PLEKHG4B: variants seen among roughly 807,000 people sequenced by gnomAD.
PLEKHG4B encodes pleckstrin homology and RhoGEF domain containing G4B, also known as pleckstrin homology domain-containing family G member 4B.
In PLEKHG4B, 111 loss-of-function variants were observed where a neutral mutation model predicts 121.3. The ratio of observed to expected loss-of-function variants is 0.92; its 90% CI spans 0.78 to 1.07. The LOEUF (loss-of-function observed/expected upper bound fraction) is 1.07. Among genes scored for constraint, PLEKHG4B ranks in the 50% least tolerant of loss-of-function variants. The pLI is 0.00. For synonymous variants in PLEKHG4B, 738 were observed against 725.0 expected (o/e 1.02, Z -0.29); for missense variants, 1,831 against 1,757.8 (o/e 1.04, Z -0.74).
intron 2 of PLEKHG4B, among the ~76,000 whole-genome samples, chr5:121,703 C>A (rs913326085): frequency 6.6e-6 from 1 of 152,028 alleles, no homozygotes; most frequent in South Asian, 2.1e-4. Flanking sequence ...GGAAAAACAT[C>A]TTTTAAGTGT....
intron 6 of PLEKHG4B, among the ~76,000 whole-genome samples, chr5:149,522 C>G (rs1560930369): frequency 6.6e-6 from 1 of 151,692 alleles, no homozygotes; most frequent in Non-Finnish European, 1.5e-5. Flanking sequence ...GTATGGATGA[C>G]AGAGAGAGAC....
At position 154,298 on chromosome 5, in the gene PLEKHG4B, C is replaced by T. The variant is rs1735694756; in HGVS notation, c.1993-577C>T. 2.0e-5 allele frequency among the ~76,000 whole-genome samples: 3 copies of T among 152,212 alleles called. No homozygotes were observed. In the South Asian group the frequency reaches 6.2e-4, roughly 31 times the overall value. ...GGATTACAGGCATGAGCCACCGTGC[C>T]CAGCCCCTTCCCTTTCTTTTTCTTT... On this transcript the variant is annotated intron_variant, in intron 7 of 19. Transcript: ENST00000637938.
rs142450757 is a variant in PLEKHG4B at position 161,775 on chromosome 5, G to A, written c.2488-8G>A. The A allele has an allele frequency of 6.2e-7, 1 of 1,613,480 alleles. No individual in the cohort carries two copies. The highest frequency in any genetic ancestry group is 1.3e-5 in the African/African-American group (1 of 75,036). ...GGCTTGTACTGATGCTTTGTTCCTT[G>A]GGTACAGCAATCCTGCCAGAAAGGA... On this transcript the variant is annotated splice_polypyrimidine_tract_variant and splice_region_variant and intron_variant, in intron 11 of 19. Coordinates refer to ENST00000637938, the MANE Select transcript of PLEKHG4B (RefSeq NM_052909.5).
chr5:102,443 A>G (rs1733849141), intron 1 of PLEKHG4B, among the ~76,000 whole-genome samples: 1 of 152,206 alleles, frequency 6.6e-6, no homozygotes, highest in Non-Finnish European at 1.5e-5. Flanking sequence ...AAAAATAATA[A>G]TAAAAGCAAG....
At chr5:134,078 T>TG (rs1410872013) in intron 2 of PLEKHG4B, among the ~76,000 whole-genome samples, 1 of 6,242 alleles carries the variant, frequency 1.6e-4, no homozygotes, top group Non-Finnish European at 2.7e-4. Context: ...TATGATAGAA[T>TG]ATATATATAT....
chr5:93,047 G>A (rs1177348528), intron 1 of PLEKHG4B, among the ~76,000 whole-genome samples: 1 of 152,072 alleles, frequency 6.6e-6, no homozygotes, highest in African/African-American at 2.4e-5. Context: ...GTTGAGGTGA[G>A]GTAATTACAC....
chr5:106,795 G>A (rs781378770), intron 1 of PLEKHG4B, among the ~76,000 whole-genome samples: 3 of 152,208 alleles, frequency 2.0e-5, no homozygotes, highest in Non-Finnish European at 2.9e-5. Flanking sequence ...CTGTGTGCAC[G>A]TGTGTGCCCA....
intron 1 of PLEKHG4B, among the ~76,000 whole-genome samples, chr5:100,059 C>G (rs1220695643): frequency 6.6e-6 from 1 of 152,062 alleles, no homozygotes; most frequent in Non-Finnish European, 1.5e-5. Context: ...CGCTTGCATT[C>G]CAGGAATAAT....
In PLEKHG4B at chr5:163,569, C is replaced by T. The variant is rs1188232199; in HGVS notation, c.3476+21C>T. On this transcript the variant is annotated intron_variant, in intron 13 of 19. Coordinates refer to ENST00000637938, the MANE Select transcript of PLEKHG4B (RefSeq NM_052909.5). ...GGCAGGTGAGGTGGACGTCCCCCTC[C>T]TCTCGTCCTAGCAGTCCTTGGGGAT... 6 of 1,532,254 alleles carry T rather than the reference C, an allele frequency of 3.9e-6. No individual in the cohort carries two copies. The African/African-American group carries it at 6.9e-5, about 18-fold the overall frequency. 94.9% of individuals were successfully genotyped at this position (1,532,254 alleles called of 1,614,324 possible).
intron 1 of PLEKHG4B, among the ~76,000 whole-genome samples, chr5:108,254 T>G (rs1485436841): frequency 6.6e-6 from 1 of 152,232 alleles, no homozygotes; most frequent in Non-Finnish European, 1.5e-5. Context: ...TGGTGATTGC[T>G]GAACTCTTCA....
chr5:100,968 GCC>G (rs1560893662), intron 1 of PLEKHG4B, among the ~76,000 whole-genome samples: 19 of 102,196 alleles, frequency 1.9e-4, no homozygotes, highest in Non-Finnish European at 2.2e-4. Flanking sequence ...TCCATATAAA[GCC>G]CTGGAAAAAG....
chr5:143,769 A>G (rs1446366443), intron 5 of PLEKHG4B, among the ~76,000 whole-genome samples: 1 of 152,206 alleles, frequency 6.6e-6, no homozygotes, highest in African/African-American at 2.4e-5. Context: ...CACTCTTTGG[A>G]CCAGGATTCA....
In PLEKHG4B at chr5:163,098, T is replaced by C. The variant is rs778519981; in HGVS notation, c.3026T>C (p.Leu1009Pro). The change falls in exon 13 of 20, where the codon CTG becomes CCG. Residue 1009 changes from leucine to proline, a missense_variant. Coordinates refer to ENST00000637938, the MANE Select transcript of PLEKHG4B (RefSeq NM_052909.5). ...GGGAWEPAQP[L>P]SGLPGRALLC... ...GGTGCCTGGGAACCTGCGCAACCAC[T>C]GTCCGGCCTCCCTGGACGAGCGCTT... The C allele has an allele frequency of 3.8e-6, 6 of 1,564,120 alleles. No individual in the cohort carries two copies. The highest frequency in any genetic ancestry group is 5.2e-6 in the Non-Finnish European group (6 of 1,154,344).
rs375125025 is a variant in PLEKHG4B at position 182,028 on chromosome 5, C to T, written c.4589C>T (p.Ala1530Val). The change falls in exon 20 of 20, where the codon GCG becomes GTG. Residue 1530 changes from alanine to valine, a missense_variant. Ala to Val is a moderately conservative substitution (Grantham distance 64, BLOSUM62 0). Transcript: ENST00000637938. ...GTESQMRGST[A>V]VSSSDHAAPF... is the part of the protein sequence containing the mutation. ...GAGTCACAAATGAGAGGGTCCACAGCGGTGTCCTCCTCTGACCACGCCGCC... is the reference window on the plus strand; with the variant it reads ...GAGTCACAAATGAGAGGGTCCACAGTGGTGTCCTCCTCTGACCACGCCGCC... 1.5e-5 allele frequency: 25 copies of T among 1,613,932 alleles called. No individual in the cohort carries two copies. The African/African-American group carries it at 1.6e-4, about 10-fold the overall frequency.
intron 1 of PLEKHG4B, among the ~76,000 whole-genome samples, chr5:111,018 C>T (rs551470845): frequency 1.3e-5 from 2 of 152,384 alleles, no homozygotes; most frequent in Admixed American, 6.5e-5. Context: ...TCTGTCCGTA[C>T]ACTGCACCTG....
chr5:172,766 C>A, intron 16 of PLEKHG4B, 131 bp from the exon 17 acceptor site: 1 of 1,014,148 alleles, frequency 9.9e-7, no homozygotes, highest in Non-Finnish European at 1.5e-6. Flanking sequence ...GCGGATTTGC[C>A]AGATTTTATG....
chr5:128,458 T>G (rs1287552569), intron 2 of PLEKHG4B, among the ~76,000 whole-genome samples: 1 of 152,142 alleles, frequency 6.6e-6, no homozygotes, highest in Non-Finnish European at 1.5e-5. Flanking sequence ...AATCAGAGCT[T>G]AGTCCTCAGC....
chr5:137,079 C>T lies in PLEKHG4B; in HGVS notation c.244-2404C>T, dbSNP rs1182859263. Reference sequence around the variant, plus strand: ...TACACGCAATGGAAGATTATGCAACCCTCAGAAGGAGTGCAGTTCCAACAC... The same window carrying T: ...TACACGCAATGGAAGATTATGCAACTCTCAGAAGGAGTGCAGTTCCAACAC... On this transcript the variant is annotated intron_variant, in intron 2 of 19. Coordinates refer to ENST00000637938, the MANE Select transcript of PLEKHG4B (RefSeq NM_052909.5). The surrounding 1 kb of genome is among the most constrained non-coding windows in gnomAD (Gnocchi z 4.2). 6.6e-6 allele frequency among the ~76,000 whole-genome samples: 1 copy of T among 152,126 alleles called. No individual in the cohort carries two copies. The highest frequency in any genetic ancestry group is 2.4e-5 in the African/African-American group (1 of 41,400).
intron 16 of PLEKHG4B, among the ~76,000 whole-genome samples, chr5:172,035 G>C (rs1246108379): frequency 6.6e-6 from 1 of 152,242 alleles, no homozygotes; most frequent in Non-Finnish European, 1.5e-5. Context: ...CGGTGCGTGG[G>C]GGCGCTGGCT....
Sources: gnomAD v4.1 joint callset for allele counts (sites outside exome capture counted in the v4.1 genomes callset) on GRCh38, gnomAD v4.1.1 for gene constraint, Gnocchi (gnomAD v3.1) non-coding constraint, MANE v1.5 for transcripts, NCBI Gene and HGNC (gene_info 2026-07-23, HGNC 2026-07-21) for gene names.